Variants in TVP23A observed in about 807,000 individuals in gnomAD.
TVP23A encodes the protein Golgi apparatus membrane protein TVP23 homolog A.
TVP23A carries 21 observed loss-of-function variants against 31.7 expected under a neutral mutation model. That is an observed-to-expected ratio of 0.66 (90% CI 0.47 to 0.95). The LOEUF is 0.95. Among genes scored for constraint, TVP23A ranks in the 40% least tolerant of loss-of-function variants. TVP23A has a pLI of 0.00. For synonymous variants in TVP23A, 104 were observed against 96.0 expected, an observed-to-expected ratio of 1.08 and a Z score of -0.49; for missense variants, 279 against 255.6, an observed-to-expected ratio of 1.09 and a Z score of -0.62.
downstream of TVP23A, among the ~76,000 whole-genome samples, chr16:10,757,598 C>T (rs1900643646): frequency 6.6e-6 from 1 of 152,156 alleles, no homozygotes; most frequent in South Asian, 2.1e-4. This position sits in a 1 kb window ranked among gnomAD's most constrained non-coding sequence, Gnocchi z 4.1. Context: ...TGTCTCCAGA[C>T]ATTGCAATTC....
At chr16:10,762,540 C>A (rs2030101375), downstream of TVP23A, among the ~76,000 whole-genome samples, 1 of 152,326 alleles carries the variant, frequency 6.6e-6, no homozygotes, top group South Asian at 2.1e-4. Context: ...TGCTGTCCCC[C>A]AGGACCGCGG....
chr16:10,759,347 G>A (rs1387441106), downstream of TVP23A, among the ~76,000 whole-genome samples: 2 of 152,264 alleles, frequency 1.3e-5, no homozygotes, highest in Non-Finnish European at 2.9e-5. The surrounding 1 kb of genome is among the most constrained non-coding windows in gnomAD (Gnocchi z 4.7). Context: ...CCTGCAGAGA[G>A]GGGACATGGG....
chr16:10,773,213 G>GATCA, intron 5 of TVP23A, 100 bp downstream of exon 5: 3 of 1,391,496 alleles, frequency 2.2e-6, no homozygotes, highest in Non-Finnish European at 2.9e-6. Flanking sequence ...TGTTATAATT[G>GATCA]ATCAATCAAT....
intron 2 of TVP23A, among the ~76,000 whole-genome samples, chr16:10,789,941 G>T (rs969696209): frequency 1.3e-5 from 2 of 152,114 alleles, no homozygotes; most frequent in Admixed American, 1.3e-4. Flanking sequence ...CTAGGCTATA[G>T]ATAAATTTTA....
chr16:10,787,569 G>A (rs1206104310), intron 2 of TVP23A, among the ~76,000 whole-genome samples: 10 of 152,122 alleles, frequency 6.6e-5, no homozygotes, highest in African/African-American at 4.8e-5. Context: ...CCTTCCGTGA[G>A]CGCTATGTGA....
chr16:10,783,718 C>T (rs1218019522), intron 2 of TVP23A, among the ~76,000 whole-genome samples: 1 of 152,032 alleles, frequency 6.6e-6, no homozygotes, highest in Non-Finnish European at 1.5e-5. Context: ...ATGGATAAAC[C>T]ATGGTACATC....
In TVP23A at chr16:10,767,952, A is replaced by T. The variant is rs1220810633; in HGVS notation, c.*1150T>A. The T allele has an allele frequency of 1.2e-6, 2 of 1,613,970 alleles. No homozygotes were observed. Among genetic ancestry groups the T allele is most frequent in the Non-Finnish European group, 1.7e-6 (2 of 1,179,984 alleles). On this transcript the variant is annotated 3_prime_UTR_variant, in exon 8 of 8. Coordinates refer to ENST00000299866, the MANE Select transcript of TVP23A (RefSeq NM_001079512.4). The surrounding 1 kb of genome is among the most constrained non-coding windows in gnomAD (Gnocchi z 4.6). ...TTCCGTTTGTTTCTTTTTTAAGGTA[A>T]GAATTGTGACAAAGGCCAGTCTTTT...
chr16:10,802,575 C>T (rs1019207666), intron 2 of TVP23A, among the ~76,000 whole-genome samples: 9 of 152,094 alleles, frequency 5.9e-5, no homozygotes, highest in Non-Finnish European at 1.2e-4. Context: ...CCAGTGCACT[C>T]GTCCAATTAG....
intron 2 of TVP23A, among the ~76,000 whole-genome samples, chr16:10,778,544 C>T (rs2032218481): frequency 6.6e-6 from 1 of 152,008 alleles, no homozygotes; most frequent in Admixed American, 6.6e-5. Context: ...TTTTTATATC[C>T]CCAAAAGCAC....
intron 2 of TVP23A, among the ~76,000 whole-genome samples, chr16:10,804,380 G>A (rs913188184): frequency 2.6e-5 from 4 of 152,182 alleles, no homozygotes; most frequent in Non-Finnish European, 2.9e-5. Context: ...AACTGAGTGG[G>A]TGAGGGCCGA....
chr16:10,804,672 G>A (rs1596563373), intron 2 of TVP23A, among the ~76,000 whole-genome samples: 1 of 152,200 alleles, frequency 6.6e-6, no homozygotes, highest in African/African-American at 2.4e-5. Context: ...CTTGAGCCCA[G>A]GAGCTCGAGG....
chr16:10,801,073 G>A (rs918212185), intron 2 of TVP23A, among the ~76,000 whole-genome samples: 6 of 152,160 alleles, frequency 3.9e-5, no homozygotes, highest in Non-Finnish European at 8.8e-5. Context: ...ACTGGTTTCT[G>A]CCTCAAGACT....
At chr16:10,784,631 AC>A (rs1306168705) in intron 2 of TVP23A, among the ~76,000 whole-genome samples, 1 of 152,146 alleles carries the variant, frequency 6.6e-6, no homozygotes, top group East Asian at 1.9e-4. Context: ...TCAAGAGTAA[AC>A]CCTGATATAA....
intron 2 of TVP23A, among the ~76,000 whole-genome samples, chr16:10,817,686 G>T (rs571513280): frequency 6.6e-6 from 1 of 152,080 alleles, no homozygotes; most frequent in South Asian, 2.1e-4. Context: ...GGGCCTTTGC[G>T]CTTGCTGTTC....
chr16:10,818,392 CG>C lies in TVP23A; in HGVS notation c.9+92del, dbSNP rs1329326339. ...GGTGCAGCCCAGCCCCAGGCCCCGG[CG>C]CATCCCTCCTCCTCCTCCCGGCTTC... On this transcript the variant is annotated intron_variant, in intron 1 of 7. Transcript: ENST00000299866. This position sits in a 1 kb window ranked among gnomAD's most constrained non-coding sequence, Gnocchi z 4.7. 3.3e-6 allele frequency: 5 copies of C among 1,529,262 alleles called. No homozygotes were observed. In the African/African-American group the frequency reaches 6.8e-5, roughly 21 times the overall value. 94.7% of individuals were successfully genotyped at this position (1,529,262 alleles called of 1,614,324 possible). A position where few individuals can be genotyped will look rare whatever the true frequency, so the allele number is the denominator to read the frequency against.
At chr16:10,759,314 A>C (rs969063367), downstream of TVP23A, among the ~76,000 whole-genome samples, 1 of 152,190 alleles carries the variant, frequency 6.6e-6, no homozygotes, top group Non-Finnish European at 1.5e-5. The surrounding 1 kb of genome is among the most constrained non-coding windows in gnomAD (Gnocchi z 4.7). Flanking sequence ...AAAATGGTGC[A>C]AGATTCATGT....
intron 2 of TVP23A, among the ~76,000 whole-genome samples, chr16:10,790,418 G>A (rs999495583): frequency 1.3e-5 from 2 of 151,468 alleles, no homozygotes; most frequent in Non-Finnish European, 2.9e-5. Flanking sequence ...CCGAGTAGCT[G>A]GGACTACAGG....
At chr16:10,801,668 C>A (rs1012353088) in intron 2 of TVP23A, among the ~76,000 whole-genome samples, 1 of 152,092 alleles carries the variant, frequency 6.6e-6, no homozygotes, top group South Asian at 2.1e-4. Flanking sequence ...GTTTCCCAGA[C>A]CGGTCTCAAA....
chr16:10,771,508 C>T, intron 6 of TVP23A, among the ~76,000 whole-genome samples, 162 bp downstream of exon 6: 1 of 152,196 alleles, frequency 6.6e-6, no homozygotes. Context: ...GCACTCTAGC[C>T]TGGGTGACAG....
Sources: gnomAD v4.1 joint callset for allele counts (sites outside exome capture counted in the v4.1 genomes callset) on GRCh38, gnomAD v4.1.1 for gene constraint, Gnocchi (gnomAD v3.1) non-coding constraint, MANE v1.5 for transcripts, NCBI Gene and HGNC (gene_info 2026-07-23, HGNC 2026-07-21) for gene names.